The following SPRY3 variants were observed in gnomAD, a reference collection of about 807,000 sequenced individuals.
The protein encoded by SPRY3 is protein sprouty homolog 3.
A neutral mutation model predicts 20.2 loss-of-function variants in SPRY3; 15 were observed. The observed-to-expected ratio is 0.74, with a 90% CI of 0.50 to 1.14. SPRY3 has a LOEUF of 1.14. SPRY3 is among the 50% of genes most tolerant of loss of function. The probability of loss-of-function intolerance (pLI) is 0.00; values close to 1 mark genes in which losing one functional copy is unlikely to be tolerated. For missense variants in SPRY3, 364 were observed against 363.9 expected (o/e 1.00, Z 0.00); for synonymous variants, 143 against 136.5 (o/e 1.05, Z -0.33).
intron 2 of SPRY3, among the ~76,000 whole-genome samples, chrX:155,752,533 A>T (rs2742289): frequency 0.39 from 58,281 of 151,002 alleles, 10,816 homozygotes; most frequent in South Asian, 0.53. Flanking sequence ...ATATATAACT[A>T]TTGATATTTA....
chrX:155,679,555 A>G (rs188773260), intron 2 of SPRY3, among the ~76,000 whole-genome samples: 233 of 111,598 alleles, frequency 2.1e-3, no homozygotes, highest in African/African-American at 7.4e-3. Flanking sequence ...ATCACCTCCT[A>G]AAGGTCTCAC....
intron 2 of SPRY3, among the ~76,000 whole-genome samples, chrX:155,720,381 T>C (rs1359706038): frequency 6.6e-6 from 1 of 151,892 alleles, no homozygotes; most frequent in Non-Finnish European, 1.5e-5. Flanking sequence ...CATCCTACCT[T>C]GAAGGGAAGG....
At position 155,720,577 on chromosome X, in the gene SPRY3, C is replaced by T. The variant is rs776617994; in HGVS notation, c.-281-47385C>T. On this transcript the variant is annotated intron_variant, in intron 2 of 3. Transcript: ENST00000675360. ...CAGGGGTGCTTGTGTCATGCCACCC[C>T]CAGCTTCAGGTGGCTCAGAACACAG... Among the ~76,000 whole-genome samples the T allele has an allele frequency of 1.1e-4, 17 of 152,260 alleles. No individual in the cohort carries two copies. The South Asian group carries it at 3.5e-3, about 32-fold the overall frequency.
exon 2 of SPRY3, chrX:155,782,009 C>G (rs908915440): frequency 3.6e-5 from 6 of 166,996 alleles, no homozygotes; most frequent in African/African-American, 2.4e-5. Flanking sequence ...ATTTCTTATA[C>G]TCAGTCAACC....
chrX:155,746,196 C>CTTTTT (rs2091225136), intron 2 of SPRY3, among the ~76,000 whole-genome samples: 2 of 152,038 alleles, frequency 1.3e-5, no homozygotes, highest in East Asian at 3.9e-4. Flanking sequence ...TTTCATGTTA[C>CTTTTT]TTTCTTTTAT....
chrX:155,767,475 A>G (rs1340786156), intron 2 of SPRY3, among the ~76,000 whole-genome samples: 2 of 151,910 alleles, frequency 1.3e-5, no homozygotes, highest in African/African-American at 2.4e-5. Context: ...TGTGTCTACA[A>G]CTGCAGTTTC....
chrX:155,750,543 G>A (rs2091257380), intron 2 of SPRY3, among the ~76,000 whole-genome samples: 2 of 151,916 alleles, frequency 1.3e-5, no homozygotes, highest in African/African-American at 4.8e-5. Context: ...TAAAGAAAGT[G>A]TTTCAAGAAG....
intron 2 of SPRY3, among the ~76,000 whole-genome samples, chrX:155,746,309 T>C (rs2124577935): frequency 6.6e-6 from 1 of 152,214 alleles, no homozygotes; most frequent in African/African-American, 2.4e-5. Context: ...ACACTGTAGC[T>C]AATTTAACAT....
chrX:155,633,425 T>A (rs1029524656), intron 1 of SPRY3, among the ~76,000 whole-genome samples: 1 of 103,621 alleles, frequency 9.7e-6, no homozygotes, highest in African/African-American at 3.6e-5. Flanking sequence ...TAGAGCTCTG[T>A]GATCAAAGGA....
chrX:155,710,408 TA>T (rs1302447557), intron 2 of SPRY3, among the ~76,000 whole-genome samples: 3 of 151,806 alleles, frequency 2.0e-5, no homozygotes, highest in Non-Finnish European at 4.4e-5. Flanking sequence ...TCTAGGTATT[TA>T]AATTTTTGTG....
At chrX:155,733,325 A>G (rs1447507386) in intron 2 of SPRY3, among the ~76,000 whole-genome samples, 3 of 150,296 alleles carry the variant, frequency 2.0e-5, no homozygotes, top group Non-Finnish European at 4.4e-5. Flanking sequence ...ATGTATATAT[A>G]TACACATATA....
At chrX:155,637,971 G>A (rs1404538563) in intron 1 of SPRY3, among the ~76,000 whole-genome samples, 12 of 60,433 alleles carry the variant, frequency 2.0e-4, no homozygotes, top group Admixed American at 1.9e-3. Context: ...GTAATTCTCA[G>A]GGTTGTTTTT....
intron 2 of SPRY3, among the ~76,000 whole-genome samples, chrX:155,685,957 C>T (rs769200612): frequency 1.8e-5 from 2 of 110,168 alleles, no homozygotes; most frequent in East Asian, 2.9e-4. Context: ...TTAGTAGAGA[C>T]GGGGGTTTGG....
At chrX:155,641,567 A>AT (rs782223465) in intron 1 of SPRY3, among the ~76,000 whole-genome samples, 55 of 115,079 alleles carry the variant, frequency 4.8e-4, no homozygotes, top group African/African-American at 1.6e-3. Context: ...CCAGTGTTAG[A>AT]TTTTTTGATC....
intron 2 of SPRY3, among the ~76,000 whole-genome samples, chrX:155,680,145 GGTGTGTGTGTGTGT>G (rs774435204): frequency 4.5e-4 from 32 of 70,405 alleles, no homozygotes; most frequent in Non-Finnish European, 6.4e-4. Context: ...AAGCAATGCT[GGTGTGTGTGTGTGT>G]GTGTGTGTGT....
At chrX:155,751,958 TAAAATAAA>T (rs2091265260) in intron 2 of SPRY3, among the ~76,000 whole-genome samples, 1 of 142,322 alleles carries the variant, frequency 7.0e-6, no homozygotes, top group Admixed American at 7.0e-5. Flanking sequence ...TAAAATAAAA[TAAAATAAA>T]ATAAAATAAA....
At chrX:155,699,847 A>G (rs886439042) in intron 2 of SPRY3, among the ~76,000 whole-genome samples, 1 of 110,405 alleles carries the variant, frequency 9.1e-6, no homozygotes, top group Admixed American at 9.8e-5. Context: ...AACAGAGGCC[A>G]CACCCCAAAC....
At chrX:155,744,276 A>C (rs2091216033) in intron 2 of SPRY3, among the ~76,000 whole-genome samples, 1 of 152,118 alleles carries the variant, frequency 6.6e-6, no homozygotes, top group South Asian at 2.1e-4. Flanking sequence ...GTCTTGGAGA[A>C]AAATGAACAG....
chrX:155,781,307 G>C (rs745522274), downstream of SPRY3: 1 of 166,942 alleles, frequency 6.0e-6, no homozygotes, highest in Non-Finnish European at 1.5e-5. Flanking sequence ...CCCTGGATTG[G>C]TTTTTTCTGA....
Sources: gnomAD v4.1 joint callset for allele counts (sites outside exome capture counted in the v4.1 genomes callset) on GRCh38, gnomAD v4.1.1 for gene constraint, MANE v1.5 for transcripts, NCBI Gene and HGNC (gene_info 2026-07-23, HGNC 2026-07-21) for gene names.